The following VAT1L variants were observed in gnomAD, a reference collection of about 807,000 sequenced individuals.
The protein encoded by VAT1L is putative NADPH-dependent quinone oxidoreductase VAT1L.
VAT1L carries 34 observed loss-of-function variants against 44.1 expected under a neutral mutation model. The observed-to-expected ratio is 0.77, with a 90% confidence interval of 0.59 to 1.03. VAT1L has a LOEUF of 1.03. Ranked by LOEUF, VAT1L falls within the 50% of genes least tolerant of loss-of-function variation. The pLI is 0.00. For synonymous variants in VAT1L, 253 were observed against 202.2 expected (o/e 1.25, Z -2.13); for missense variants, 615 against 538.8 (o/e 1.14, Z -1.40).
intron 4 of VAT1L, among the ~76,000 whole-genome samples, chr16:77,874,470 G>A (rs912134952): frequency 1.4e-5 from 2 of 146,322 alleles, no homozygotes; most frequent in Admixed American, 1.4e-4. Context: ...AGCCCAACCC[G>A]AAGCAAACAC....
intron 7 of VAT1L, among the ~76,000 whole-genome samples, chr16:77,908,716 C>G (rs1215228987): frequency 6.6e-6 from 1 of 151,914 alleles, no homozygotes; most frequent in East Asian, 1.9e-4. Flanking sequence ...GCGATTGAGA[C>G]CATCCTGGCT....
intron 3 of VAT1L, among the ~76,000 whole-genome samples, chr16:77,842,747 T>A (rs1481392432): frequency 1.3e-5 from 2 of 152,218 alleles, no homozygotes; most frequent in Non-Finnish European, 2.9e-5. Context: ...CCAGCCCCAC[T>A]AATTGAGTTT....
intron 7 of VAT1L, among the ~76,000 whole-genome samples, chr16:77,944,850 C>G (rs746947453): frequency 6.6e-6 from 1 of 152,040 alleles, no homozygotes. Context: ...TGGTGAACGG[C>G]AAGAAAGGAA....
At chr16:77,865,411 A>C (rs564901752) in intron 4 of VAT1L, among the ~76,000 whole-genome samples, 1 of 152,314 alleles carries the variant, frequency 6.6e-6, no homozygotes, top group East Asian at 1.9e-4. Flanking sequence ...ACAATTGCTT[A>C]ATACATCTGT....
chr16:77,826,173 C>G (rs1469038505), intron 3 of VAT1L, among the ~76,000 whole-genome samples: 5 of 148,588 alleles, frequency 3.4e-5, no homozygotes, highest in African/African-American at 9.9e-5. Context: ...CGCCACTGCA[C>G]TCCAGCCTGG....
rs534921146 is a variant in VAT1L, at chr16:77,801,447, T to G, written c.233+12532T>G. On this transcript the variant is annotated intron_variant, in intron 1 of 8. Coordinates refer to ENST00000302536, the MANE Select transcript of VAT1L (RefSeq NM_020927.3). ...AAGAATGCAGCCCTTCATAGTTTGATCTGAAACGGTTTCATCCAGGCCTGT... is the reference window on the plus strand; with the variant it reads ...AAGAATGCAGCCCTTCATAGTTTGAGCTGAAACGGTTTCATCCAGGCCTGT... The G allele has an allele frequency of 2.6e-5, 4 of 152,324 alleles. No individual in the cohort carries two copies. The East Asian group carries it at 7.7e-4, about 29-fold the overall frequency. 9.4% of individuals were successfully genotyped at this position (152,324 alleles called of 1,614,324 possible).
intron 1 of VAT1L, among the ~76,000 whole-genome samples, chr16:77,805,171 A>C (rs1035622163): frequency 6.6e-6 from 1 of 152,106 alleles, no homozygotes; most frequent in South Asian, 2.1e-4. Context: ...CTCTGAGACA[A>C]TTCTGGCTGT....
chr16:77,874,418 C>T (rs989531999), intron 4 of VAT1L, among the ~76,000 whole-genome samples: 3 of 151,946 alleles, frequency 2.0e-5, no homozygotes, highest in Non-Finnish European at 4.4e-5. Flanking sequence ...CTGAAGCTCA[C>T]CAACCAAGAG....
At chr16:77,841,995 C>A (rs546769874) in intron 3 of VAT1L, among the ~76,000 whole-genome samples, 4 of 152,222 alleles carry the variant, frequency 2.6e-5, no homozygotes, top group African/African-American at 7.2e-5. Flanking sequence ...TCACGCCATT[C>A]TCCTGCCTCA....
rs192600904 is a variant in VAT1L, at chr16:77,955,868, C to G, written c.1078-15982C>G. ...CGTCCTACATCCTTCCTTCCTTCTT[C>G]GCTCTCCATTGCTTCCAACCCACTG... On this transcript the variant is annotated intron_variant, in intron 7 of 8. Coordinates refer to ENST00000302536, the MANE Select transcript of VAT1L (RefSeq NM_020927.3). 6.6e-5 allele frequency among the ~76,000 whole-genome samples: 10 copies of G among 152,250 alleles called. No individual in the cohort carries two copies. In the South Asian group the frequency reaches 8.3e-4, roughly 13 times the overall value.
chr16:77,830,701 T>A (rs1030781721), intron 3 of VAT1L, among the ~76,000 whole-genome samples: 1 of 152,202 alleles, frequency 6.6e-6, no homozygotes, highest in Admixed American at 6.5e-5. Context: ...TTTTTTGTTG[T>A]TGTTGAGATG....
intron 4 of VAT1L, among the ~76,000 whole-genome samples, chr16:77,874,873 G>C (rs2017072007): frequency 6.8e-6 from 1 of 148,118 alleles, no homozygotes; most frequent in Admixed American, 6.7e-5. Context: ...AGCCAGTCTG[G>C]CTCCTAAGTA....
chr16:77,813,481 G>A (rs933631253), intron 1 of VAT1L, among the ~76,000 whole-genome samples: 2 of 152,184 alleles, frequency 1.3e-5, no homozygotes, highest in Non-Finnish European at 2.9e-5. Context: ...TAGAGCAGGA[G>A]GTGTGATGGA....
chr16:77,951,032 A>G (rs2018036330), intron 7 of VAT1L, among the ~76,000 whole-genome samples: 1 of 152,234 alleles, frequency 6.6e-6, no homozygotes, highest in Admixed American at 6.5e-5. Context: ...GAAAAGACAC[A>G]GCAGCGCCCG....
intron 3 of VAT1L, among the ~76,000 whole-genome samples, chr16:77,856,000 G>A (rs2016854619): frequency 6.6e-6 from 1 of 151,984 alleles, no homozygotes; most frequent in African/African-American, 2.4e-5. Context: ...TGGCAACAGA[G>A]GAAGACTCCG....
intron 3 of VAT1L, among the ~76,000 whole-genome samples, chr16:77,852,524 A>G (rs962095570): frequency 1.3e-5 from 2 of 151,916 alleles, no homozygotes; most frequent in Admixed American, 6.5e-5. Context: ...AAACCTCACC[A>G]CTTCCAGTTG....
intron 4 of VAT1L, among the ~76,000 whole-genome samples, chr16:77,874,573 C>A (rs2017067596): frequency 3.3e-5 from 5 of 152,126 alleles, no homozygotes; most frequent in South Asian, 4.1e-4. Flanking sequence ...GCCTAGGACA[C>A]TATTCCCTTC....
At chr16:77,869,174 G>A (rs2017005258) in intron 4 of VAT1L, among the ~76,000 whole-genome samples, 1 of 152,176 alleles carries the variant, frequency 6.6e-6, no homozygotes, top group Non-Finnish European at 1.5e-5. Flanking sequence ...TAGAGATTTT[G>A]AAGGAGAACG....
intron 3 of VAT1L, among the ~76,000 whole-genome samples, chr16:77,847,376 G>A (rs190681460): frequency 7.9e-5 from 12 of 152,272 alleles, no homozygotes; most frequent in South Asian, 4.1e-4. Flanking sequence ...CGGTCTTCCC[G>A]TGCTTCTGAC....
Sources: gnomAD v4.1 joint callset for allele counts (sites outside exome capture counted in the v4.1 genomes callset) on GRCh38, gnomAD v4.1.1 for gene constraint, MANE v1.5 for transcripts, NCBI Gene and HGNC (gene_info 2026-07-23, HGNC 2026-07-21) for gene names.